The following XKR3 variants were observed in gnomAD, a reference collection of about 807,000 sequenced individuals.
XKR3 encodes XK-related protein 3.
In XKR3, 27 loss-of-function variants were observed where a neutral mutation model predicts 40.3. The observed-to-expected ratio is 0.67, with a 90% CI of 0.49 to 0.92. XKR3 has a LOEUF of 0.92. XKR3 is among the 40% of genes least tolerant of loss of function. The pLI is 0.00. For missense variants in XKR3, 472 were observed against 537.6 expected, an observed-to-expected ratio of 0.88 and a Z score of 1.21; for synonymous variants, 193 against 195.4, an observed-to-expected ratio of 0.99 and a Z score of 0.10.
At chr22:16,809,243 T>C (rs2060203040) in intron 1 of XKR3, among the ~76,000 whole-genome samples, 1 of 152,208 alleles carries the variant, frequency 6.6e-6, no homozygotes, top group Non-Finnish European at 1.5e-5. Flanking sequence ...CCTTTATCTA[T>C]ATGCACTTAT....
In XKR3 at chr22:16,807,870, T is replaced by C. The variant is rs367546217; in HGVS notation, c.204A>G (p.Ser68=). The change falls in exon 2 of 4, where the codon TCA becomes TCG. Residue 68 remains serine (S), a synonymous_variant. Transcript: ENST00000684488. ...CCACAATAATAAAGCTGATGGTAAA[T>C]GACATCCAGAATGTGTCATTAGCTT... ...YRKANDTFWM[S]FTISFIIVGA... 1.6e-5 allele frequency: 26 copies of C among 1,613,892 alleles called. 2 individuals carry two copies. The African/African-American group carries it at 2.3e-4, about 14-fold the overall frequency.
At chr22:16,801,110 A>G (rs1250301541) in intron 2 of XKR3, among the ~76,000 whole-genome samples, 1 of 152,244 alleles carries the variant, frequency 6.6e-6, no homozygotes, top group Non-Finnish European at 1.5e-5. Context: ...ACTTCTGATC[A>G]GAATTTTAAA....
At chr22:16,799,074 T>A (rs2060154989) in intron 3 of XKR3, among the ~76,000 whole-genome samples, 1 of 152,146 alleles carries the variant, frequency 6.6e-6, no homozygotes, top group Non-Finnish European at 1.5e-5. Context: ...AATTTTATAG[T>A]CTTAGGCACA....
intron 1 of XKR3, among the ~76,000 whole-genome samples, chr22:16,817,773 T>C (rs1219223202): frequency 6.6e-6 from 1 of 152,066 alleles, no homozygotes; most frequent in Admixed American, 6.6e-5. Context: ...AATATTATAT[T>C]ACACTTTTAA....
chr22:16,814,871 A>G (rs2060226868), intron 1 of XKR3, among the ~76,000 whole-genome samples: 3 of 151,584 alleles, frequency 2.0e-5, no homozygotes, highest in Admixed American at 2.0e-4. Flanking sequence ...TTTTTTGTAT[A>G]CAAGATCATG....
intron 1 of XKR3, among the ~76,000 whole-genome samples, chr22:16,824,887 G>A (rs9606478): frequency 0.66 from 100,964 of 151,972 alleles, 34,174 homozygotes; most frequent in Non-Finnish European, 0.74. Flanking sequence ...AAGTGAAAGT[G>A]AAGTCACTGA....
intron 3 of XKR3, among the ~76,000 whole-genome samples, chr22:16,789,583 A>C (rs2060105107): frequency 6.6e-6 from 1 of 152,214 alleles, no homozygotes; most frequent in African/African-American, 2.4e-5. Context: ...AATGTGGTTA[A>C]AATGTTTATA....
rs769334029 is a variant in XKR3, at chr22:16,783,955, G to A, written c.1044C>T (p.Tyr348=). 1 of 1,614,188 alleles carries A rather than the reference G, an allele frequency of 6.2e-7. No homozygotes were observed. Among genetic ancestry groups the A allele is most frequent in the Non-Finnish European group, 8.5e-7 (1 of 1,180,032 alleles). Residue 348 remains tyrosine, a synonymous_variant, in exon 4 of 4, where the codon TAC becomes TAT. Coordinates refer to ENST00000684488, the MANE Select transcript of XKR3 (RefSeq NM_001386955.1). ...RQRWGHRILH[Y]SFQFLENVIM... Reference sequence around the variant, plus strand: ...TCACATTTTCTAAAAACTGAAAGCTGTAGTGTAGGATTCTATGGCCCCACC... The same window carrying A: ...TCACATTTTCTAAAAACTGAAAGCTATAGTGTAGGATTCTATGGCCCCACC...
chr22:16,800,789 C>T (rs1472147362), intron 2 of XKR3, among the ~76,000 whole-genome samples: 1 of 152,080 alleles, frequency 6.6e-6, no homozygotes, highest in East Asian at 1.9e-4. Context: ...CACAAGATGA[C>T]CCCAACGTAT....
At chr22:16,811,376 T>C (rs1249931371) in intron 1 of XKR3, among the ~76,000 whole-genome samples, 2 of 152,174 alleles carry the variant, frequency 1.3e-5, no homozygotes, top group South Asian at 2.1e-4. Flanking sequence ...TCCACCCACC[T>C]TGGCCCCACC....
chr22:16,799,877 C>T lies in XKR3; in HGVS notation c.483G>A (p.Lys161=). 6.2e-7 allele frequency: 1 copy of T among 1,614,078 alleles called. No individual in the cohort carries two copies. Among genetic ancestry groups the T allele is most frequent in the Non-Finnish European group, 8.5e-7 (1 of 1,180,012 alleles). The change falls in exon 3 of 4, where the codon AAG becomes AAA. Residue 161 remains lysine (K), a synonymous_variant. Coordinates refer to ENST00000684488, the MANE Select transcript of XKR3 (RefSeq NM_001386955.1). The part of the protein sequence containing the change: ...FSIRDNFMQQ[K]AFKYMSVIQA... ...GAATCACTGACATGTACTTGAAAGC[C>T]TTCTGCTGCATGAAATTATCCCGGA... is the stretch of plus-strand genomic sequence containing the variant.
At chr22:16,820,385 T>C (rs947754052) in intron 1 of XKR3, among the ~76,000 whole-genome samples, 7 of 152,168 alleles carry the variant, frequency 4.6e-5, no homozygotes, top group Non-Finnish European at 1.0e-4. Context: ...GGCAGGGAAG[T>C]GTTCCTCCTG....
chr22:16,788,251 G>C (rs2060099404), intron 3 of XKR3, among the ~76,000 whole-genome samples: 2 of 152,040 alleles, frequency 1.3e-5, no homozygotes, highest in African/African-American at 4.8e-5. Context: ...GACAAAAATA[G>C]AAACAGAACA....
At chr22:16,819,399 G>T (rs1311187674) in intron 1 of XKR3, among the ~76,000 whole-genome samples, 1 of 152,118 alleles carries the variant, frequency 6.6e-6, no homozygotes, top group African/African-American at 2.4e-5. Flanking sequence ...TGTGGTATTT[G>T]CCTAGGGATA....
chr22:16,808,364 T>C (rs1316250586), intron 1 of XKR3, among the ~76,000 whole-genome samples: 3 of 152,198 alleles, frequency 2.0e-5, no homozygotes, highest in Non-Finnish European at 4.4e-5. Context: ...ATGATAGTCC[T>C]ATCTCCAAGT....
intron 2 of XKR3, among the ~76,000 whole-genome samples, chr22:16,805,594 G>T (rs1354798362): frequency 6.6e-6 from 1 of 152,024 alleles, no homozygotes; most frequent in Non-Finnish European, 1.5e-5. Flanking sequence ...ACAATCAACT[G>T]ATCAGTTGGG....
At chr22:16,795,582 A>G (rs2060137071) in intron 3 of XKR3, among the ~76,000 whole-genome samples, 1 of 152,170 alleles carries the variant, frequency 6.6e-6, no homozygotes, top group Non-Finnish European at 1.5e-5. Flanking sequence ...TGCAAAATAA[A>G]TATAAAAGAT....
At chr22:16,815,603 G>T (rs1423942126) in intron 1 of XKR3, among the ~76,000 whole-genome samples, 1 of 151,856 alleles carries the variant, frequency 6.6e-6, no homozygotes, top group African/African-American at 2.4e-5. Context: ...TGTTTTCTTG[G>T]TAAGTAGAAG....
At chr22:16,802,645 A>G (rs2060174108) in intron 2 of XKR3, among the ~76,000 whole-genome samples, 1 of 152,062 alleles carries the variant, frequency 6.6e-6, no homozygotes, top group Non-Finnish European at 1.5e-5. Context: ...GGGCGCCACC[A>G]AACCCAGCTA....
Sources: gnomAD v4.1 joint callset for allele counts (sites outside exome capture counted in the v4.1 genomes callset) on GRCh38, gnomAD v4.1.1 for gene constraint, MANE v1.5 for transcripts, NCBI Gene and HGNC (gene_info 2026-07-23, HGNC 2026-07-21) for gene names.